Variants in ZIM2 observed in about 807,000 individuals in gnomAD.
The protein encoded by ZIM2 is zinc finger protein 656.
ZIM2 carries 14 observed loss-of-function variants against 38.6 expected under a neutral mutation model. The ratio of observed to expected loss-of-function variants is 0.36; its 90% CI spans 0.24 to 0.57. The LOEUF (loss-of-function observed/expected upper bound fraction) is 0.57, where lower values mean the gene tolerates loss of function less well. ZIM2 is among the 20% of genes least tolerant of loss of function. The pLI, the probability that ZIM2 is intolerant of heterozygous loss-of-function variation, is 0.81. For missense variants in ZIM2, 680 were observed against 695.1 expected, an observed-to-expected ratio of 0.98 and a Z score of 0.24; for synonymous variants, 247 against 245.8, an observed-to-expected ratio of 1.00 and a Z score of -0.04.
intron 9 of ZIM2, among the ~76,000 whole-genome samples, chr19:56,802,032 G>C (rs529933544): frequency 1.3e-5 from 2 of 152,146 alleles, no homozygotes; most frequent in Non-Finnish European, 2.9e-5. Context: ...AAACCAACAT[G>C]CCCTCTATAA....
intron 6 of ZIM2, among the ~76,000 whole-genome samples, chr19:56,822,014 C>T (rs1454241538): frequency 6.6e-6 from 1 of 152,124 alleles, no homozygotes; most frequent in Non-Finnish European, 1.5e-5. Flanking sequence ...TGTGCCCAAG[C>T]TGTGTGGGTC....
Position 56,827,919 on chromosome 19 carries a change from T to C in ZIM2, c.-226-1456A>G, listed in dbSNP as rs563066128. On this transcript the variant is annotated intron_variant, in intron 2 of 12. Coordinates refer to ENST00000629319, the MANE Select transcript of ZIM2 (RefSeq NM_001387356.1). ...GACTATTAATGATGACTAATCGCAA[T>C]TGCCTCTGGGGAAGGGAACTAGGGG... Among the ~76,000 whole-genome samples, 267 of 152,312 alleles carry C rather than the reference T, an allele frequency of 1.8e-3. 2 individuals carry two copies. The highest frequency in any genetic ancestry group is 6.1e-3 in the African/African-American group (253 of 41,560).
intron 9 of ZIM2, chr19:56,817,151 G>GGCTGCTCAC (rs771988170): frequency 1.2e-6 from 2 of 1,614,156 alleles, no homozygotes; most frequent in Non-Finnish European, 1.7e-6. Flanking sequence ...AGGCTGCTCA[G>GGCTGCTCAC]GCTGCTCACG....
intron 9 of ZIM2, among the ~76,000 whole-genome samples, chr19:56,804,978 G>C (rs566716086): frequency 2.6e-5 from 4 of 152,340 alleles, no homozygotes; most frequent in African/African-American, 9.6e-5. Context: ...AGCTTCACCA[G>C]GCTGGCATTT....
chr19:56,775,609 C>T (rs772278793), intron 12 of ZIM2, 80 bp from the exon 13 acceptor site: 3 of 1,510,910 alleles, frequency 2.0e-6, no homozygotes, highest in Non-Finnish European at 2.6e-6. Flanking sequence ...TATAGGCAGG[C>T]TTTGCCCTGG....
chr19:56,782,114 T>C lies in ZIM2; in HGVS notation c.578A>G (p.Asp193Gly). ...CAGAAATGTTCCTAAGTGTTTGAAG[T>C]CCGGGAACTATCCCAGAGAGAGGAG... ...NLPSAGSQFP[D>G]FKHLGTFLVF... The change falls in exon 11 of 13, where the codon GAC becomes GGC. Residue 193 changes from aspartate to glycine, a missense_variant. Coordinates refer to ENST00000629319, the MANE Select transcript of ZIM2 (RefSeq NM_001387356.1). 1 of 1,613,640 alleles carries C rather than the reference T, an allele frequency of 6.2e-7. No individual in the cohort carries two copies. Among genetic ancestry groups the C allele is most frequent in the Non-Finnish European group, 8.5e-7 (1 of 1,179,658 alleles).
chr19:56,776,100 C>CAAAAAA (rs56776253), intron 12 of ZIM2, among the ~76,000 whole-genome samples: 4 of 106,740 alleles, frequency 3.7e-5, no homozygotes, highest in Non-Finnish European at 7.3e-5. Flanking sequence ...GACTCTGTCT[C>CAAAAAA]AAAAAAAAAA....
chr19:56,794,388 G>A (rs1015169855), intron 9 of ZIM2, among the ~76,000 whole-genome samples: 1 of 152,080 alleles, frequency 6.6e-6, no homozygotes, highest in African/African-American at 2.4e-5. Context: ...ATGCCACTTG[G>A]GGAAAACATT....
At chr19:56,813,310 T>A (rs2146114276) in intron 9 of ZIM2, 1 of 961,562 alleles carries the variant, frequency 1.0e-6, no homozygotes, top group African/African-American at 1.7e-5. Flanking sequence ...TGTCATAATT[T>A]GCTATTTTAT....
rs1367219008 is a variant in ZIM2, at chr19:56,821,644, A to G, written c.294+7T>C. The G allele has an allele frequency of 1.2e-6, 2 of 1,613,566 alleles. No individual in the cohort carries two copies. Among genetic ancestry groups the G allele is most frequent in the Non-Finnish European group, 1.7e-6 (2 of 1,179,896 alleles). ...CCTTTCTAGAAAGAGAGGAAACCTG[A>G]GCATACCTGAGATCGGGACTCATAA... On this transcript the variant is annotated splice_region_variant and intron_variant, in intron 7 of 12. Coordinates refer to ENST00000629319, the MANE Select transcript of ZIM2 (RefSeq NM_001387356.1).
At chr19:56,829,858 G>A (rs761372401) in intron 2 of ZIM2, among the ~76,000 whole-genome samples, 1 of 152,198 alleles carries the variant, frequency 6.6e-6, no homozygotes, top group African/African-American at 2.4e-5. Context: ...AAGCATAACT[G>A]CTCTGCCCAC....
chr19:56,779,951 C>A (rs1181517744), intron 11 of ZIM2, among the ~76,000 whole-genome samples: 1 of 152,214 alleles, frequency 6.6e-6, no homozygotes, highest in African/African-American at 2.4e-5. Context: ...GCTCCTCCCC[C>A]TCCCTTAGTT....
At chr19:56,788,983 G>A (rs2046783193) in intron 10 of ZIM2, among the ~76,000 whole-genome samples, 2 of 151,498 alleles carry the variant, frequency 1.3e-5, no homozygotes, top group Admixed American at 1.3e-4. Context: ...CTCATGCTGT[G>A]TTTTTCAGCT....
At chr19:56,791,428 C>A (rs1423479362) in intron 9 of ZIM2, 2 of 152,124 alleles carry the variant, frequency 1.3e-5, no homozygotes, top group African/African-American at 2.4e-5. Flanking sequence ...TTTAAAAATT[C>A]TTTTAAGTAA....
intron 9 of ZIM2, among the ~76,000 whole-genome samples, chr19:56,807,502 C>T (rs985904211): frequency 6.6e-6 from 1 of 152,130 alleles, no homozygotes; most frequent in Non-Finnish European, 1.5e-5. Flanking sequence ...TCTGACAGGG[C>T]AACAACAACA....
At chr19:56,810,914 A>G (rs1235659029) in intron 9 of ZIM2, 4 of 964,784 alleles carry the variant, frequency 4.1e-6, no homozygotes, top group African/African-American at 1.8e-5. Flanking sequence ...CACTGTTATC[A>G]GGACATTATT....
Position 56,774,847 on chromosome 19 carries a change from G to T in ZIM2, c.1518C>A (p.Phe506Leu). 1 of 1,614,128 alleles carries T rather than the reference G, an allele frequency of 6.2e-7. No homozygotes were observed. The highest frequency in any genetic ancestry group is 8.5e-7 in the Non-Finnish European group (1 of 1,180,034). ...ACQCCDCGRV[F>L]SRNSYLIQHY... The stretch of plus-strand genomic sequence containing the variant: ...GCTGAATGAGATATGAATTCCGACT[G>T]AAGACTCTGCCACAGTCACAACACT... The change falls in exon 13 of 13, where the codon TTC (phenylalanine) becomes TTA (leucine). Residue 506 changes from phenylalanine to leucine, a missense_variant. By Grantham distance (22) the Phe-to-Leu change is conservative. Coordinates refer to ENST00000629319, the MANE Select transcript of ZIM2 (RefSeq NM_001387356.1).
chr19:56,830,106 C>G (rs1440656492), intron 2 of ZIM2, among the ~76,000 whole-genome samples: 2 of 152,218 alleles, frequency 1.3e-5, no homozygotes, highest in Admixed American at 1.3e-4. Flanking sequence ...ATGAATCCAA[C>G]AGAACAACAG....
intron 2 of ZIM2, among the ~76,000 whole-genome samples, chr19:56,831,557 AG>A (rs2061571829): frequency 6.6e-6 from 1 of 152,258 alleles, no homozygotes; most frequent in East Asian, 1.9e-4. Context: ...TAAGGCCACT[AG>A]GGCCAGTGAC....
Sources: gnomAD v4.1 joint callset for allele counts (sites outside exome capture counted in the v4.1 genomes callset) on GRCh38, gnomAD v4.1.1 for gene constraint, MANE v1.5 for transcripts, NCBI Gene and HGNC (gene_info 2026-07-23, HGNC 2026-07-21) for gene names.